ADAM7: variants seen among roughly 807,000 people sequenced by gnomAD.
ADAM7 encodes disintegrin and metalloproteinase domain-containing protein 7.
A neutral mutation model predicts 102.9 loss-of-function variants in ADAM7; 97 were observed. That is an observed-to-expected ratio of 0.94 (90% CI 0.80 to 1.12). The LOEUF (loss-of-function observed/expected upper bound fraction) is 1.12. Among genes scored for constraint, ADAM7 ranks in the 50% most tolerant of loss-of-function variants. The pLI is 0.00. For synonymous variants in ADAM7, 334 were observed against 304.4 expected (o/e 1.10, Z -1.01); for missense variants, 991 against 908.7 (o/e 1.09, Z -1.16).
rs949790205 is a variant in ADAM7 at position 24,467,191 on chromosome 8, G to A, written c.579+203G>A. 5.0e-6 allele frequency: 3 copies of A among 601,150 alleles called. No homozygotes were observed. In the South Asian group the frequency reaches 6.4e-5, roughly 13 times the overall value. 37.2% of individuals were successfully genotyped at this position (601,150 alleles called of 1,614,324 possible). A position where few individuals can be genotyped will look rare whatever the true frequency, so the allele number is the denominator to read the frequency against. ...ATAGAGTTTGTTTAATCAGTTTCAA[G>A]AAAGGATGATTCTACAATTCTATGT... is the stretch of plus-strand genomic sequence containing the variant. On this transcript the variant is annotated intron_variant, in intron 6 of 21. Coordinates refer to ENST00000175238, the MANE Select transcript of ADAM7 (RefSeq NM_003817.4).
intron 3 of ADAM7, among the ~76,000 whole-genome samples, chr8:24,458,357 C>A (rs1819115837): frequency 6.6e-6 from 1 of 152,126 alleles, no homozygotes; most frequent in South Asian, 2.1e-4. Flanking sequence ...TTAAAGTTTT[C>A]AATGTGGAGC....
At chr8:24,499,022 A>G (rs560588430) in intron 16 of ADAM7, among the ~76,000 whole-genome samples, 2 of 152,194 alleles carry the variant, frequency 1.3e-5, no homozygotes, top group Admixed American at 6.5e-5. Context: ...ACACACCCCA[A>G]TCATCTATAG....
chr8:24,498,072 C>T (rs920424119), intron 16 of ADAM7, among the ~76,000 whole-genome samples: 2 of 151,634 alleles, frequency 1.3e-5, no homozygotes, highest in Admixed American at 6.6e-5. Context: ...TAGTCAAGAA[C>T]GTATTCCAGC....
At chr8:24,451,386 A>G (rs965955127) in intron 3 of ADAM7, among the ~76,000 whole-genome samples, 1 of 152,174 alleles carries the variant, frequency 6.6e-6, no homozygotes, top group Non-Finnish European at 1.5e-5. Context: ...TGGGAGGGTT[A>G]TGTGTCAAGG....
intron 16 of ADAM7, among the ~76,000 whole-genome samples, chr8:24,498,940 G>A (rs966180707): frequency 9.2e-5 from 14 of 151,920 alleles, no homozygotes; most frequent in Admixed American, 2.6e-4. Context: ...ACAGATTAAC[G>A]CTGAAGTAAT....
Position 24,460,701 on chromosome 8 carries a change from CCATA to C in ADAM7, c.234-3180_234-3177del, listed in dbSNP as rs1457110210. ...GACACTCCTTATTTGTGAAAAGTTG[CCATA>C]TATATATACATATACACATATATAT... On this transcript the variant is annotated intron_variant, in intron 3 of 21. Coordinates refer to ENST00000175238, the MANE Select transcript of ADAM7 (RefSeq NM_003817.4). 6.0e-5 allele frequency among the ~76,000 whole-genome samples: 9 copies of C among 150,582 alleles called. No homozygotes were observed. The South Asian group carries it at 1.5e-3, about 25-fold the overall frequency.
Position 24,487,287 on chromosome 8 carries a change from C to A in ADAM7, c.1061C>A (p.Ser354Ter). 6.2e-7 allele frequency: 1 copy of A among 1,613,704 alleles called. No individual in the cohort carries two copies. Among genetic ancestry groups the A allele is most frequent in the Non-Finnish European group, 8.5e-7 (1 of 1,179,788 alleles). ...QHDEFPCTCP[S>*]GKCVMDSDGS... is the part of the protein sequence containing the mutation. ...GACGAGTTCCCATGCACCTGTCCTT[C>A]AGGAAAATGCGTGATGGACAGTGAT... Residue 354 changes from serine (S) to a stop codon, truncating the protein, a stop_gained, in exon 11 of 22, where the codon TCA becomes TAA. Coordinates refer to ENST00000175238, the MANE Select transcript of ADAM7 (RefSeq NM_003817.4). LOFTEE classifies it high-confidence loss of function.
chr8:24,488,227 T>G (rs993234087), intron 11 of ADAM7, among the ~76,000 whole-genome samples: 2 of 152,154 alleles, frequency 1.3e-5, no homozygotes, highest in Non-Finnish European at 2.9e-5. Flanking sequence ...ACCACTGTAC[T>G]AGAAAAGTCC....
chr8:24,453,634 G>A (rs1231206646), intron 3 of ADAM7, among the ~76,000 whole-genome samples: 3 of 152,190 alleles, frequency 2.0e-5, no homozygotes, highest in African/African-American at 7.2e-5. Context: ...ATCGTCTGAA[G>A]CCTTCTTCTC....
chr8:24,499,165 C>A, intron 16 of ADAM7, 71 bp from the exon 17 acceptor site: 2 of 1,178,314 alleles, frequency 1.7e-6, no homozygotes, highest in Non-Finnish European at 1.2e-6. Context: ...ACTTCACATG[C>A]ATTACATGAA....
chr8:24,470,586 T>C (rs1054875469), intron 7 of ADAM7, among the ~76,000 whole-genome samples: 1 of 152,024 alleles, frequency 6.6e-6, no homozygotes, highest in Non-Finnish European at 1.5e-5. Flanking sequence ...AGACCACATA[T>C]ATGAAAGTGG....
At position 24,458,552 on chromosome 8, in the gene ADAM7, G is replaced by A. The variant is rs190883453; in HGVS notation, c.234-5330G>A. On this transcript the variant is annotated intron_variant, in intron 3 of 21. Transcript: ENST00000175238. ...AAATGAATTTATTGATTGTTTTGTA[G>A]AGTACTTAGAAATCTTCTAGGAAAT... Among the ~76,000 whole-genome samples, 508 of 152,182 alleles carry A rather than the reference G, an allele frequency of 3.3e-3. 7 individuals are homozygous for A. Among genetic ancestry groups the A allele is most frequent in the South Asian group, 0.021 (102 of 4,810 alleles).
Position 24,509,150 on chromosome 8 carries a change from C to A in ADAM7, c.*604C>A. ...AAAGGAAAACACAGAATGCTCCTGG[C>A]AATTCTAAATTCCTAGGTTTGCCTT... On this transcript the variant is annotated 3_prime_UTR_variant, in exon 22 of 22. Transcript: ENST00000175238. 2.0e-6 allele frequency: 2 copies of A among 985,410 alleles called. No individual in the cohort carries two copies. The highest frequency in any genetic ancestry group is 2.4e-6 in the Non-Finnish European group (2 of 829,960). 61.0% of individuals were successfully genotyped at this position (985,410 alleles called of 1,614,324 possible).
rs561659339 is a variant in ADAM7 at position 24,491,061 on chromosome 8, T to A, written c.1356+173T>A. On this transcript the variant is annotated intron_variant, in intron 13 of 21. Transcript: ENST00000175238. ...GCTCCAACATCTGAGCATTGGGCTGTGCTATGGCCTGGGGTAGTGGAGAAA... is the reference window on the plus strand; with the variant it reads ...GCTCCAACATCTGAGCATTGGGCTGAGCTATGGCCTGGGGTAGTGGAGAAA... Among the ~76,000 whole-genome samples the A allele has an allele frequency of 2.0e-5, 3 of 152,288 alleles. No homozygotes were observed. The East Asian group carries it at 5.8e-4, about 29-fold the overall frequency.
chr8:24,465,538 A>G (rs1194936318), intron 4 of ADAM7, among the ~76,000 whole-genome samples, 161 bp from the exon 5 acceptor site: 1 of 152,240 alleles, frequency 6.6e-6, no homozygotes, highest in Non-Finnish European at 1.5e-5. Context: ...AGGCTCAAAT[A>G]TTTCCAAATG....
intron 3 of ADAM7, among the ~76,000 whole-genome samples, chr8:24,460,629 T>A (rs186710172): frequency 6.6e-6 from 1 of 151,772 alleles, no homozygotes; most frequent in African/African-American, 2.4e-5. Flanking sequence ...GTTAATGTCA[T>A]GTCATTTTAT....
chr8:24,482,420 G>A (rs1819986027), intron 9 of ADAM7, 109 bp downstream of exon 9: 3 of 1,104,148 alleles, frequency 2.7e-6, no homozygotes, highest in Admixed American at 2.5e-5. Context: ...CTTTTGGGTA[G>A]CACACAGGGA....
intron 16 of ADAM7, among the ~76,000 whole-genome samples, chr8:24,498,717 A>G (rs1016741721): frequency 4.0e-5 from 6 of 151,848 alleles, no homozygotes; most frequent in African/African-American, 1.2e-4. Context: ...TGAATCACGC[A>G]AAGACCAAAA....
At chr8:24,443,595 G>A (rs997045510) in intron 2 of ADAM7, among the ~76,000 whole-genome samples, 1 of 152,140 alleles carries the variant, frequency 6.6e-6, no homozygotes, top group Non-Finnish European at 1.5e-5. Flanking sequence ...TACACTGGTG[G>A]CGTCTTCTCA....
Sources: gnomAD v4.1 joint callset for allele counts (sites outside exome capture counted in the v4.1 genomes callset) on GRCh38, gnomAD v4.1.1 for gene constraint, MANE v1.5 for transcripts, NCBI Gene and HGNC (gene_info 2026-07-23, HGNC 2026-07-21) for gene names.